Variants in C4orf17 observed in about 807,000 individuals in gnomAD.
C4orf17 encodes the protein uncharacterized protein C4orf17.
C4orf17 carries 25 observed loss-of-function variants against 32.0 expected under a neutral mutation model. The observed-to-expected ratio is 0.78, with a 90% CI of 0.57 to 1.09. The LOEUF (loss-of-function observed/expected upper bound fraction) is 1.09. Ranked by LOEUF, C4orf17 falls within the 50% of genes least tolerant of loss-of-function variation. The pLI is 0.00. For synonymous variants in C4orf17, 149 were observed against 145.8 expected (o/e 1.02, Z -0.16); for missense variants, 420 against 420.0 (o/e 1.00, Z 0.00).
intron 3 of C4orf17, among the ~76,000 whole-genome samples, chr4:99,523,782 T>C (rs1337322750): frequency 1.3e-5 from 2 of 152,106 alleles, no homozygotes; most frequent in Admixed American, 1.3e-4. Flanking sequence ...GATCTAGTTA[T>C]ATGACTGAGT....
chr4:99,538,798 C>T (rs941828495), intron 6 of C4orf17, among the ~76,000 whole-genome samples: 2 of 151,682 alleles, frequency 1.3e-5, no homozygotes, highest in Admixed American at 1.3e-4. Context: ...TATTTATTAC[C>T]TATTAGTCTG....
At chr4:99,525,264 AT>A (rs2110169482) in intron 4 of C4orf17, among the ~76,000 whole-genome samples, 1 of 152,216 alleles carries the variant, frequency 6.6e-6, no homozygotes, top group East Asian at 1.9e-4. Context: ...TTCCAAAATG[AT>A]TGTCCCATTT....
intron 4 of C4orf17, among the ~76,000 whole-genome samples, chr4:99,527,828 T>G (rs1723416532): frequency 6.6e-6 from 1 of 152,224 alleles, no homozygotes; most frequent in Non-Finnish European, 1.5e-5. Context: ...TTGTGGATTT[T>G]TAAATTTCTC....
At chr4:99,522,289 A>G (rs1723298468) in intron 2 of C4orf17, among the ~76,000 whole-genome samples, 1 of 152,094 alleles carries the variant, frequency 6.6e-6, no homozygotes, top group African/African-American at 2.4e-5. Context: ...TTAAGGAAGC[A>G]TGTAATTGGC....
At chr4:99,522,262 C>CA (rs1423278698) in intron 2 of C4orf17, among the ~76,000 whole-genome samples, 1 of 152,004 alleles carries the variant, frequency 6.6e-6, no homozygotes, top group African/African-American at 2.4e-5. Flanking sequence ...TGAAGACTGA[C>CA]AAAATGGCCG....
chr4:99,526,181 G>T (rs925960255), intron 4 of C4orf17, among the ~76,000 whole-genome samples: 1 of 152,178 alleles, frequency 6.6e-6, no homozygotes, highest in Non-Finnish European at 1.5e-5. Context: ...TTCCTAGTGT[G>T]CTAAGAGTTT....
chr4:99,535,817 G>A, intron 5 of C4orf17: 1 of 379,204 alleles, frequency 2.6e-6, no homozygotes, highest in South Asian at 2.1e-5. Flanking sequence ...GCAGCACCCT[G>A]GCTTTTTGAG....
At chr4:99,525,015 G>T (rs1340153480) in intron 4 of C4orf17, among the ~76,000 whole-genome samples, 8 of 152,112 alleles carry the variant, frequency 5.3e-5, no homozygotes, top group African/African-American at 1.7e-4. Context: ...TGCATCAATA[G>T]TTCATTCCTT....
intron 7 of C4orf17, 32 bp downstream of exon 7, chr4:99,539,402 G>A (rs764312015): frequency 1.3e-6 from 2 of 1,532,124 alleles, no homozygotes; most frequent in East Asian, 4.5e-5. Context: ...CTAGAGGGAG[G>A]GCCTATGGCA....
chr4:99,524,101 T>C (rs1306130781), intron 3 of C4orf17, among the ~76,000 whole-genome samples: 1 of 149,542 alleles, frequency 6.7e-6, no homozygotes, highest in Non-Finnish European at 1.5e-5. Flanking sequence ...TGCCTCAGCC[T>C]CCCAAGTAGC....
intron 4 of C4orf17, among the ~76,000 whole-genome samples, chr4:99,526,254 G>T (rs568292634): frequency 6.6e-6 from 1 of 152,126 alleles, no homozygotes; most frequent in Admixed American, 6.6e-5. Flanking sequence ...TGAGATGATC[G>T]AATGATGTTT....
At chr4:99,541,806 TA>T in intron 8 of C4orf17, 103 bp from the exon 9 acceptor site, 1 of 847,960 alleles carries the variant, frequency 1.2e-6, no homozygotes, top group Non-Finnish European at 1.9e-6. Flanking sequence ...CTGATTCACC[TA>T]AACTTCATAT....
intron 6 of C4orf17, 86 bp downstream of exon 6, chr4:99,537,836 T>A: frequency 1.0e-6 from 1 of 966,252 alleles, no homozygotes; most frequent in Non-Finnish European, 1.7e-6. Flanking sequence ...GTTTTGTACC[T>A]TGGATTTGCA....
chr4:99,513,293 C>T (rs1723127183), intron 2 of C4orf17, 85 bp downstream of exon 2: 3 of 1,515,146 alleles, frequency 2.0e-6, no homozygotes, highest in African/African-American at 2.7e-5. Flanking sequence ...CACAACGCTG[C>T]TATTCAAAAT....
intron 5 of C4orf17, chr4:99,535,995 TG>T (rs1174899462): frequency 6.7e-6 from 3 of 450,540 alleles, no homozygotes; most frequent in South Asian, 1.6e-5. Flanking sequence ...TGCAGTTTGC[TG>T]GGGGTCTGCT....
rs142403153 is a variant in C4orf17 at position 99,527,713 on chromosome 4, C to G, written c.403-2102C>G. 1.8e-3 allele frequency among the ~76,000 whole-genome samples: 276 copies of G among 152,326 alleles called. 3 individuals carry two copies. The highest frequency in any genetic ancestry group is 3.0e-3 in the Non-Finnish European group (203 of 68,032). ...CCACTGCTCACATTCTGCTGTGCAG[C>G]AGGTTGTGGTCCAGGGATTTGGGGA... On this transcript the variant is annotated intron_variant, in intron 4 of 8. Coordinates refer to ENST00000326581, the MANE Select transcript of C4orf17 (RefSeq NM_032149.3).
intron 3 of C4orf17, among the ~76,000 whole-genome samples, chr4:99,523,907 T>C (rs530715136): frequency 6.6e-4 from 100 of 152,052 alleles, no homozygotes; most frequent in African/African-American, 2.3e-3. Context: ...AAAATTCTCT[T>C]TAATTAGATA....
chr4:99,527,126 A>AAT (rs1723401962), intron 4 of C4orf17, among the ~76,000 whole-genome samples: 1 of 152,052 alleles, frequency 6.6e-6, no homozygotes, highest in African/African-American at 2.4e-5. Context: ...AATACTTCCT[A>AAT]ATATCCTTTT....
At chr4:99,534,755 T>C (rs1723534574) in intron 5 of C4orf17, among the ~76,000 whole-genome samples, 1 of 152,220 alleles carries the variant, frequency 6.6e-6, no homozygotes, top group South Asian at 2.1e-4. Context: ...TTAAGGTTAG[T>C]ATTGCTATGT....
Sources: gnomAD v4.1 joint callset for allele counts (sites outside exome capture counted in the v4.1 genomes callset) on GRCh38, gnomAD v4.1.1 for gene constraint, MANE v1.5 for transcripts, NCBI Gene and HGNC (gene_info 2026-07-23, HGNC 2026-07-21) for gene names.